The following PARN variants were observed in gnomAD, a reference collection of about 807,000 sequenced individuals.
PARN encodes the protein poly(A)-specific ribonuclease.
A neutral mutation model predicts 102.8 loss-of-function variants in PARN; 71 were observed. That is an observed-to-expected ratio of 0.69 (90% confidence interval 0.57 to 0.84). The LOEUF (loss-of-function observed/expected upper bound fraction) is 0.84, where lower values mean the gene tolerates loss of function less well. Ranked by LOEUF, PARN falls within the 40% of genes least tolerant of loss-of-function variation. PARN has a pLI of 0.00. For missense variants in PARN, 782 were observed against 760.9 expected (o/e 1.03, Z -0.33); for synonymous variants, 261 against 252.9 (o/e 1.03, Z -0.30).
intron 21 of PARN, among the ~76,000 whole-genome samples, chr16:14,529,370 A>C (rs185565873): frequency 1.3e-5 from 2 of 152,374 alleles, no homozygotes; most frequent in Non-Finnish European, 2.9e-5. Flanking sequence ...AAGTTTTGTA[A>C]GCCAGATGGA....
chr16:14,457,945 T>G (rs1042959985), intron 22 of PARN, among the ~76,000 whole-genome samples: 1 of 151,148 alleles, frequency 6.6e-6, no homozygotes, highest in East Asian at 1.9e-4. Flanking sequence ...TGTGTGTGTG[T>G]GTGAGAGAGA....
intron 21 of PARN, among the ~76,000 whole-genome samples, chr16:14,495,978 C>A (rs1023138072): frequency 5.9e-5 from 9 of 152,170 alleles, no homozygotes; most frequent in African/African-American, 2.2e-4. Flanking sequence ...ACAGGAAGAG[C>A]AGAAGAGGCC....
At chr16:14,495,253 A>C (rs1269332150) in intron 21 of PARN, among the ~76,000 whole-genome samples, 1 of 152,140 alleles carries the variant, frequency 6.6e-6, no homozygotes. Context: ...TTGGGAGGAC[A>C]AGGCGAGAGG....
chr16:14,612,464 C>T (rs1229489641), intron 6 of PARN, among the ~76,000 whole-genome samples: 8 of 151,694 alleles, frequency 5.3e-5, no homozygotes, highest in Admixed American at 2.0e-4. Flanking sequence ...ATAAAAAAAA[C>T]ACCTTGCTAT....
intron 13 of PARN, among the ~76,000 whole-genome samples, chr16:14,587,287 A>G (rs1353255624): frequency 6.6e-6 from 1 of 152,178 alleles, no homozygotes; most frequent in Non-Finnish European, 1.5e-5. Flanking sequence ...TAATCTCTCA[A>G]TACCACTAGA....
chr16:14,443,900 T>G (rs1961072086), intron 23 of PARN, among the ~76,000 whole-genome samples: 2 of 152,078 alleles, frequency 1.3e-5, no homozygotes, highest in Non-Finnish European at 1.5e-5. Context: ...CTCAGCACCG[T>G]TTTGGGTTGG....
chr16:14,439,418 G>C (rs1181729012), intron 23 of PARN, among the ~76,000 whole-genome samples: 3 of 117,766 alleles, frequency 2.5e-5, no homozygotes, highest in Non-Finnish European at 5.2e-5. Flanking sequence ...AAGGAAAGAA[G>C]ACAGGGAGGG....
At chr16:14,558,030 A>T (rs780874013) in intron 18 of PARN, among the ~76,000 whole-genome samples, 1 of 152,352 alleles carries the variant, frequency 6.6e-6, no homozygotes, top group Non-Finnish European at 1.5e-5. Flanking sequence ...ACCTAGGAAT[A>T]ACTCTTGTTA....
chr16:14,601,654 A>G (rs1351840013), intron 11 of PARN, among the ~76,000 whole-genome samples: 1 of 152,064 alleles, frequency 6.6e-6, no homozygotes, highest in Non-Finnish European at 1.5e-5. Flanking sequence ...CAGGCATGGT[A>G]GCTCACGCTG....
chr16:14,624,051 C>G (rs1280905029), intron 5 of PARN, among the ~76,000 whole-genome samples: 2 of 152,186 alleles, frequency 1.3e-5, no homozygotes, highest in African/African-American at 2.4e-5. Flanking sequence ...ACACACTCTT[C>G]TGGGTGTGAG....
At chr16:14,441,314 A>T (rs561470449) in intron 23 of PARN, among the ~76,000 whole-genome samples, 7 of 152,206 alleles carry the variant, frequency 4.6e-5, no homozygotes, top group Non-Finnish European at 1.0e-4. Flanking sequence ...AAATTAAAAG[A>T]CGGGGAACAC....
intron 21 of PARN, among the ~76,000 whole-genome samples, chr16:14,529,311 C>T (rs1966186967): frequency 1.3e-5 from 2 of 152,164 alleles, no homozygotes; most frequent in South Asian, 4.1e-4. Flanking sequence ...GCACCACCTT[C>T]TGGTTGGTGA....
At chr16:14,612,216 A>G (rs1010020919) in intron 6 of PARN, among the ~76,000 whole-genome samples, 1 of 152,094 alleles carries the variant, frequency 6.6e-6, no homozygotes, top group Non-Finnish European at 1.5e-5. Context: ...AGGCGGGCGG[A>G]TCACAAGTTC....
chr16:14,493,814 T>C (rs1964176644), intron 21 of PARN, among the ~76,000 whole-genome samples: 2 of 152,232 alleles, frequency 1.3e-5, no homozygotes, highest in African/African-American at 2.4e-5. Context: ...GAATGAATGA[T>C]GTCACTAAGG....
intron 21 of PARN, among the ~76,000 whole-genome samples, chr16:14,539,157 G>C (rs1966744129): frequency 6.6e-6 from 1 of 152,164 alleles, no homozygotes; most frequent in Non-Finnish European, 1.5e-5. Flanking sequence ...CTCCCACCTA[G>C]CTCTGTGGAA....
chr16:14,574,442 T>G (rs1046399170), intron 18 of PARN, among the ~76,000 whole-genome samples: 3 of 152,126 alleles, frequency 2.0e-5, no homozygotes, highest in African/African-American at 7.2e-5. Flanking sequence ...TGGCCGGGCA[T>G]GGTGGCTCAT....
Position 14,529,540 on chromosome 16 carries a change from T to C in PARN, c.1480+22481A>G, listed in dbSNP as rs74793859. Among the ~76,000 whole-genome samples, 15 of 152,268 alleles carry C rather than the reference T, an allele frequency of 9.9e-5. No individual in the cohort carries two copies. The East Asian group carries it at 2.1e-3, about 22-fold the overall frequency. ...CACTTCCAGCCTCTCAGCCCTGACA[T>C]TGAAGCCCACTGCGCCCTATGAAAG... On this transcript the variant is annotated intron_variant, in intron 21 of 23. Coordinates refer to ENST00000437198, the MANE Select transcript of PARN (RefSeq NM_002582.4).
At chr16:14,491,872 C>T (rs1478207824) in intron 21 of PARN, among the ~76,000 whole-genome samples, 1 of 152,182 alleles carries the variant, frequency 6.6e-6, no homozygotes, top group Non-Finnish European at 1.5e-5. Flanking sequence ...AGAGAAAAAA[C>T]AAGCCAGAAT....
At chr16:14,593,445 T>C in intron 12 of PARN, 67 bp from the exon 13 acceptor site, 9 of 668,750 alleles carry the variant, frequency 1.3e-5, no homozygotes, top group South Asian at 8.6e-5. Context: ...TCAGAATGTA[T>C]AGTTCAGATT....
Sources: allele counts gnomAD v4.1 joint callset (sites outside exome capture counted in the v4.1 genomes callset), GRCh38; gene constraint gnomAD v4.1.1; transcripts MANE v1.5; gene names NCBI Gene and HGNC (gene_info 2026-07-23, HGNC 2026-07-21).